MGAM2: variants seen among roughly 807,000 people sequenced by gnomAD.
The protein encoded by MGAM2 is maltase-glucoamylase 2 (putative).
MGAM2 carries 98 observed loss-of-function variants against 96.1 expected under a neutral mutation model. The ratio of observed to expected loss-of-function variants is 1.02; its 90% confidence interval spans 0.87 to 1.21. The LOEUF is 1.21. Among genes scored for constraint, MGAM2 ranks in the 50% most tolerant of loss-of-function variants. The pLI, the probability that MGAM2 is intolerant of heterozygous loss-of-function variation, is 0.00. For synonymous variants in MGAM2, 749 were observed against 414.8 expected, an observed-to-expected ratio of 1.81 and a Z score of -9.79; for missense variants, 2,055 against 1,182.4, an observed-to-expected ratio of 1.74 and a Z score of -10.82.
At chr7:142,199,414 G>GA (rs1383580057) in intron 44 of MGAM2, among the ~76,000 whole-genome samples, 1 of 152,118 alleles carries the variant, frequency 6.6e-6, no homozygotes, top group African/African-American at 2.4e-5. Context: ...AACTGAAGGT[G>GA]AAAAATGGCT....
chr7:142,133,898 G>GAGACC lies in MGAM2; in HGVS notation c.576-83_576-82insAGACC, dbSNP rs1470619627. 9 of 607,466 alleles carry GAGACC rather than the reference G, an allele frequency of 1.5e-5. No individual in the cohort carries two copies. The Admixed American group carries it at 2.2e-4, about 15-fold the overall frequency. The allele number at this position is 607,466 out of a possible 1,614,324, so 37.6% of individuals were successfully genotyped here. ...CGCCTGAAACAACAGAGGTCTAAGT[G>GAGACC]TATGTGGAAAGGAGAAGATAGCTTC... On this transcript the variant is annotated intron_variant, in intron 6 of 47. Coordinates refer to ENST00000477922, the MANE Select transcript of MGAM2 (RefSeq NM_001293626.2).
chr7:142,176,863 A>T (rs987650874), intron 32 of MGAM2, among the ~76,000 whole-genome samples: 7 of 152,312 alleles, frequency 4.6e-5, no homozygotes, highest in Admixed American at 3.3e-4. Flanking sequence ...ATGGAGAAAC[A>T]CCAATGCATT....
intron 3 of MGAM2, among the ~76,000 whole-genome samples, chr7:142,121,910 T>A (rs1030088908): frequency 6.6e-6 from 1 of 152,142 alleles, no homozygotes; most frequent in Non-Finnish European, 1.5e-5. Context: ...ATTAAAGTGA[T>A]GATGGTTGGC....
rs796911300 is a variant in MGAM2 at position 142,114,199 on chromosome 7, A to AAAGAAAG, written c.-1+2395_-1+2401dup. On this transcript the variant is annotated intron_variant, in intron 1 of 47. Transcript: ENST00000477922. Reference sequence around the variant, plus strand: ...GAAAGAAAGAAAGAAAGAAAGAAAGAAAGAAAGAAAGAAAGAGAGAAAGAA... The same window carrying AAAGAAAG: ...GAAAGAAAGAAAGAAAGAAAGAAAGAAAGAAAGAAGAAAGAAAGAAAGAGAGAAAGAA... Among the ~76,000 whole-genome samples the AAAGAAAG allele has an allele frequency of 1.0e-3, 102 of 101,054 alleles. 5 individuals carry two copies. In the East Asian group the frequency reaches 0.02, roughly 20 times the overall value. 66.3% of individuals were successfully genotyped at this position (101,054 alleles called of 152,430 possible).
rs1321719258 is a variant in MGAM2, at chr7:142,158,235, AC to A, written c.2079-11del. On this transcript the variant is annotated splice_polypyrimidine_tract_variant and intron_variant, in intron 18 of 47. Transcript: ENST00000477922. ...AGACTTCACCTGCCTTCACTGTGCTACCTCTTTACTAGGTTCTACCAGGACT... is the reference window on the plus strand; with the variant it reads ...AGACTTCACCTGCCTTCACTGTGCTACTCTTTACTAGGTTCTACCAGGACT... 1.4e-6 allele frequency: 1 copy of A among 702,808 alleles called. No individual in the cohort carries two copies. The highest frequency in any genetic ancestry group is 2.6e-6 in the Non-Finnish European group (1 of 384,960). 43.5% of individuals were successfully genotyped at this position (702,808 alleles called of 1,614,324 possible). A position where few individuals can be genotyped will look rare whatever the true frequency, so the allele number is the denominator to read the frequency against.
intron 47 of MGAM2, among the ~76,000 whole-genome samples, chr7:142,219,065 A>T (rs371225847): frequency 5.9e-5 from 9 of 152,212 alleles, no homozygotes; most frequent in Middle Eastern, 3.2e-3. Flanking sequence ...CATAAATAGC[A>T]GGCCCTACTA....
intron 32 of MGAM2, among the ~76,000 whole-genome samples, chr7:142,176,722 G>A (rs1459802737): frequency 2.0e-5 from 3 of 152,124 alleles, no homozygotes; most frequent in African/African-American, 7.2e-5. Flanking sequence ...TCTTGTTTTT[G>A]AGGAACATTG....
intron 35 of MGAM2, among the ~76,000 whole-genome samples, chr7:142,186,963 T>C (rs1796720315): frequency 6.6e-6 from 1 of 152,092 alleles, no homozygotes; most frequent in African/African-American, 2.4e-5. Context: ...GTAGTATTTT[T>C]TTTTTTTTTC....
chr7:142,124,401 G>C (rs896756098), intron 3 of MGAM2, among the ~76,000 whole-genome samples: 5 of 151,964 alleles, frequency 3.3e-5, no homozygotes, highest in Non-Finnish European at 7.4e-5. Flanking sequence ...ATCTGCTTCT[G>C]GAATGTATTT....
At chr7:142,159,554 A>G (rs1795829788) in intron 20 of MGAM2, among the ~76,000 whole-genome samples, 1 of 152,140 alleles carries the variant, frequency 6.6e-6, no homozygotes, top group Non-Finnish European at 1.5e-5. Context: ...ACACAAATTT[A>G]TTGCTCACGG....
chr7:142,197,332 T>G (rs1797075071), intron 40 of MGAM2, 68 bp from the exon 41 acceptor site: 4 of 676,958 alleles, frequency 5.9e-6, no homozygotes, highest in Non-Finnish European at 1.1e-5. Flanking sequence ...GCCCATTGAT[T>G]CTTTTCTGAT....
Position 142,172,343 on chromosome 7 carries a change from G to T in MGAM2, c.3448+149G>T, listed in dbSNP as rs1371825056. 4 of 557,806 alleles carry T rather than the reference G, an allele frequency of 7.2e-6. No homozygotes were observed. In the Admixed American group the frequency reaches 8.9e-5, roughly 12 times the overall value. 34.6% of individuals were successfully genotyped at this position (557,806 alleles called of 1,614,324 possible). On this transcript the variant is annotated intron_variant, in intron 29 of 47. Coordinates refer to ENST00000477922, the MANE Select transcript of MGAM2 (RefSeq NM_001293626.2). ...TCCATTTATTCACCTATTTATTCAAGATTTATTAAGAACTCTGGATCAGGT... is the reference window on the plus strand; with the variant it reads ...TCCATTTATTCACCTATTTATTCAATATTTATTAAGAACTCTGGATCAGGT...
At chr7:142,183,209 G>A (rs1270819406) in intron 32 of MGAM2, 57 bp from the exon 33 acceptor site, 5 of 668,162 alleles carry the variant, frequency 7.5e-6, no homozygotes, top group African/African-American at 1.8e-5. Context: ...TTTTTGGAGA[G>A]AAATTTTCTT....
chr7:142,185,960 G>A (rs749262365), intron 34 of MGAM2, 29 bp from the exon 35 acceptor site: 62 of 701,318 alleles, frequency 8.8e-5, no homozygotes, highest in South Asian at 3.9e-4. Context: ...CTGAGACCCC[G>A]ACAATGAGAG....
chr7:142,117,644 C>A (rs1349337892), intron 2 of MGAM2, among the ~76,000 whole-genome samples: 2 of 152,126 alleles, frequency 1.3e-5, no homozygotes, highest in African/African-American at 4.8e-5. Flanking sequence ...GATGGCAGAA[C>A]CCTACCTGCT....
intron 26 of MGAM2, among the ~76,000 whole-genome samples, chr7:142,167,779 C>T (rs1796072420): frequency 6.6e-6 from 1 of 152,000 alleles, no homozygotes; most frequent in Non-Finnish European, 1.5e-5. Context: ...TGCCTTGTTT[C>T]CCAGGCGGTC....
chr7:142,218,911 C>G (rs1311927923), intron 47 of MGAM2, among the ~76,000 whole-genome samples: 2 of 151,780 alleles, frequency 1.3e-5, no homozygotes, highest in East Asian at 1.9e-4. Context: ...TGAAGGTTGC[C>G]CCCATGCTTC....
chr7:142,201,082 C>CTTTTT (rs1314170979), intron 45 of MGAM2, among the ~76,000 whole-genome samples: 2 of 108,540 alleles, frequency 1.8e-5, no homozygotes, highest in African/African-American at 3.8e-5. Flanking sequence ...TTTTTTTTTT[C>CTTTTT]TTTTTTTTTT....
intron 45 of MGAM2, among the ~76,000 whole-genome samples, chr7:142,202,860 A>C (rs1585214379): frequency 6.6e-6 from 1 of 152,116 alleles, no homozygotes; most frequent in East Asian, 1.9e-4. Context: ...GTTGAATTGT[A>C]GTCCTGTTTT....
Sources: gnomAD v4.1 joint callset for allele counts (sites outside exome capture counted in the v4.1 genomes callset) on GRCh38, gnomAD v4.1.1 for gene constraint, MANE v1.5 for transcripts, NCBI Gene and HGNC (gene_info 2026-07-23, HGNC 2026-07-21) for gene names.